SESTD1: variants seen among roughly 807,000 people sequenced by gnomAD.
SESTD1 encodes SEC14 and spectrin domain containing 1, also known as SEC14 domain and spectrin repeat-containing protein 1.
A neutral mutation model predicts 101.7 loss-of-function variants in SESTD1; 43 were observed. The ratio of observed to expected loss-of-function variants is 0.42; its 90% CI spans 0.33 to 0.55. The LOEUF is 0.55. Ranked by LOEUF, SESTD1 falls within the 20% of genes least tolerant of loss-of-function variation. The pLI, the probability that SESTD1 is intolerant of heterozygous loss-of-function variation, is 0.07. For synonymous variants in SESTD1, 283 were observed against 286.8 expected (o/e 0.99, Z 0.13); for missense variants, 647 against 815.1 (o/e 0.79, Z 2.51).
At chr2:179,154,595 A>G (rs1462291182) in intron 5 of SESTD1, among the ~76,000 whole-genome samples, 2 of 152,210 alleles carry the variant, frequency 1.3e-5, no homozygotes, top group Non-Finnish European at 1.5e-5. Context: ...CCTTAGAAAA[A>G]GGAAATCAAC....
At chr2:179,159,565 A>G (rs2045694681) in intron 5 of SESTD1, among the ~76,000 whole-genome samples, 1 of 152,236 alleles carries the variant, frequency 6.6e-6, no homozygotes, top group Non-Finnish European at 1.5e-5. Context: ...AAACTCGAAG[A>G]AAACAGAGAA....
At chr2:179,262,046 A>C (rs969000406) in intron 1 of SESTD1, among the ~76,000 whole-genome samples, 3 of 152,218 alleles carry the variant, frequency 2.0e-5, no homozygotes, top group African/African-American at 7.2e-5. Context: ...CATAAAAGGA[A>C]TGAAATATTG....
intron 3 of SESTD1, among the ~76,000 whole-genome samples, 195 bp downstream of exon 3, chr2:179,182,885 T>A (rs962425983): frequency 6.6e-6 from 1 of 152,130 alleles, no homozygotes; most frequent in Admixed American, 6.6e-5. Context: ...TGTATATCCT[T>A]AAATTCATCA....
chr2:179,126,218 T>C (rs1351640264), intron 10 of SESTD1, among the ~76,000 whole-genome samples: 1 of 152,196 alleles, frequency 6.6e-6, no homozygotes, highest in Non-Finnish European at 1.5e-5. Context: ...TCCATTCCAA[T>C]CAGGATTTTG....
chr2:179,104,148 A>ATCAAATTCTTC lies in SESTD1; in HGVS notation c.*5740_*5750dup, dbSNP rs1297899225. 7.2e-5 allele frequency: 11 copies of ATCAAATTCTTC among 152,176 alleles called. No homozygotes were observed. Among genetic ancestry groups the ATCAAATTCTTC allele is most frequent in the Non-Finnish European group, 1.2e-4 (8 of 68,014 alleles). The allele number at this position is 152,176 out of a possible 1,614,324, so 9.4% of individuals were successfully genotyped here. A position where few individuals can be genotyped will look rare whatever the true frequency, so the allele number is the denominator to read the frequency against. ...TTACTGATTTTATGACAGTAAGATCATCAAATTCTTCTAAGTGTCCATTGA... is the reference window on the plus strand; with the variant it reads ...TTACTGATTTTATGACAGTAAGATCATCAAATTCTTCTCAAATTCTTCTAAGTGTCCATTGA... On this transcript the variant is annotated 3_prime_UTR_variant, in exon 18 of 18. Coordinates refer to ENST00000428443, the MANE Select transcript of SESTD1 (RefSeq NM_178123.5).
chr2:179,158,685 C>G (rs765873718), intron 5 of SESTD1, among the ~76,000 whole-genome samples: 1 of 152,120 alleles, frequency 6.6e-6, no homozygotes. Flanking sequence ...GGGAAGGACA[C>G]AATTATGGAG....
Position 179,183,147 on chromosome 2 carries a change from A to C in SESTD1, c.97T>G (p.Leu33Val). The C allele has an allele frequency of 6.2e-7, 1 of 1,612,172 alleles. No homozygotes were observed. The highest frequency in any genetic ancestry group is 1.1e-5 in the South Asian group (1 of 90,906). ...RRSGLILTIP[L>V]CLEQTNMDEL... ...TCCATATTTGTCTGTTCGAGGCATA[A>C]TGGAATTGTCAAAATGAGGCCACTC... The change falls in exon 3 of 18, where the codon TTA becomes GTA. Residue 33 changes from leucine to valine, a missense_variant. Physicochemically the swap from Leu to Val is conservative, Grantham distance 32. Around this residue, in one of 3 missense-constraint regions of SESTD1, gnomAD observed 168 missense variants for 235.1 expected, o/e 0.71. Coordinates refer to ENST00000428443, the MANE Select transcript of SESTD1 (RefSeq NM_178123.5).
chr2:179,150,842 G>A (rs766271119), intron 6 of SESTD1, among the ~76,000 whole-genome samples: 72 of 151,882 alleles, frequency 4.7e-4, no homozygotes, highest in Non-Finnish European at 7.7e-4. Context: ...AAAAAATTAT[G>A]CTACTGTTAT....
chr2:179,144,197 T>A (rs1336106717), intron 8 of SESTD1, among the ~76,000 whole-genome samples: 3 of 152,052 alleles, frequency 2.0e-5, no homozygotes, highest in South Asian at 2.1e-4. Context: ...CCTATTTCCC[T>A]GTAGAGCAAA....
At chr2:179,138,142 C>A (rs1388446342) in intron 9 of SESTD1, among the ~76,000 whole-genome samples, 2 of 152,166 alleles carry the variant, frequency 1.3e-5, no homozygotes, top group Non-Finnish European at 2.9e-5. Context: ...CAGTTTTTAA[C>A]AGTAATCTCG....
intron 1 of SESTD1, among the ~76,000 whole-genome samples, chr2:179,245,152 T>C (rs1379405252): frequency 6.6e-6 from 1 of 152,090 alleles, no homozygotes; most frequent in East Asian, 1.9e-4. Flanking sequence ...TCCAGGAGTT[T>C]GAGACCAGCC....
In SESTD1 at chr2:179,205,197, C is replaced by CTT. The variant is rs562590131; in HGVS notation, c.-25-13333_-25-13332dup. 8.8e-4 allele frequency among the ~76,000 whole-genome samples: 101 copies of CTT among 114,972 alleles called. 20 individuals are homozygous for CTT. Among genetic ancestry groups the CTT allele is most frequent in the Middle Eastern group, 5.0e-3 (1 of 200 alleles). 75.4% of individuals were successfully genotyped at this position (114,972 alleles called of 152,430 possible). ...AGACAGTCTCCAACCACACTTAAGG[C>CTT]TTTTTTTTTTTTTTACTCTGTTGCC... On this transcript the variant is annotated intron_variant, in intron 1 of 17. Coordinates refer to ENST00000428443, the MANE Select transcript of SESTD1 (RefSeq NM_178123.5).
chr2:179,182,640 T>C (rs1322768035), intron 3 of SESTD1, among the ~76,000 whole-genome samples: 2 of 152,110 alleles, frequency 1.3e-5, no homozygotes, highest in Non-Finnish European at 2.9e-5. Context: ...GATTAAAATA[T>C]AAACAAACAT....
Position 179,143,696 on chromosome 2 carries a change from T to C in SESTD1, c.745A>G (p.Lys249Glu). ...TGCTCTCGGAGTGAATCTAATAATT[T>C]CATAACCTGTGGCTGTGCAAGAAGT... ...DELLAQPQVMKLLDSLREQYT... is the reference protein window; with the variant it reads ...DELLAQPQVMELLDSLREQYT... Residue 249 changes from lysine to glutamate, a missense_variant, in exon 9 of 18, where the codon AAA becomes GAA. Transcript: ENST00000428443. 6.2e-7 allele frequency: 1 copy of C among 1,614,034 alleles called. No homozygotes were observed. Among genetic ancestry groups the C allele is most frequent in the Non-Finnish European group, 8.5e-7 (1 of 1,179,926 alleles).
In SESTD1 at chr2:179,108,598, G is replaced by T. The variant is rs1446674; in HGVS notation, c.*1301C>A. 67,634 of 148,116 alleles carry T rather than the reference G, an allele frequency of 0.46. 18,043 individuals are homozygous for T. Among genetic ancestry groups the T allele is most frequent in the African/African-American group, 0.76 (30,640 of 40,542 alleles). The allele number at this position is 148,116 out of a possible 1,614,324, so 9.2% of individuals were successfully genotyped here. A position where few individuals can be genotyped will look rare whatever the true frequency, so the allele number is the denominator to read the frequency against. ...AAAACTAGCAGGTTAAAAGGGAGGG[G>T]TTTTTTTTTTGCATTGGAAGATACA... On this transcript the variant is annotated 3_prime_UTR_variant, in exon 18 of 18. Transcript: ENST00000428443.
chr2:179,219,213 A>G (rs1468523168), intron 1 of SESTD1, among the ~76,000 whole-genome samples: 1 of 152,222 alleles, frequency 6.6e-6, no homozygotes, highest in Non-Finnish European at 1.5e-5. Context: ...CAGCAGCAGA[A>G]AACAGAATTG....
rs1376817509 is a variant in SESTD1, at chr2:179,105,489, G to A, written c.*4410C>T. The A allele has an allele frequency of 1.3e-5, 2 of 152,018 alleles. No homozygotes were observed. Among genetic ancestry groups the A allele is most frequent in the South Asian group, 2.1e-4 (1 of 4,824 alleles). 9.4% of individuals were successfully genotyped at this position (152,018 alleles called of 1,614,324 possible). On this transcript the variant is annotated 3_prime_UTR_variant, in exon 18 of 18. Coordinates refer to ENST00000428443, the MANE Select transcript of SESTD1 (RefSeq NM_178123.5). The stretch of plus-strand genomic sequence containing the variant: ...ATCTTCAGTGTGTAATTCTGAAGAT[G>A]CATTCTGATACACTAGTGAACTGGG...
intron 1 of SESTD1, among the ~76,000 whole-genome samples, chr2:179,232,283 A>T (rs1423986490): frequency 6.6e-6 from 1 of 152,056 alleles, no homozygotes; most frequent in Non-Finnish European, 1.5e-5. Context: ...AATAACCTGA[A>T]CAGAGGAAAA....
chr2:179,246,731 T>C (rs2047236841), intron 1 of SESTD1, among the ~76,000 whole-genome samples: 1 of 152,144 alleles, frequency 6.6e-6, no homozygotes, highest in African/African-American at 2.4e-5. Flanking sequence ...AAATTTAAAA[T>C]AACAAAATCA....
Sources: gnomAD v4.1 joint callset for allele counts (sites outside exome capture counted in the v4.1 genomes callset) on GRCh38, gnomAD v4.1.1 for gene constraint, gnomAD v4.1.1 regional missense constraint, MANE v1.5 for transcripts, NCBI Gene and HGNC (gene_info 2026-07-23, HGNC 2026-07-21) for gene names.